SSBP2: variants seen among roughly 807,000 people sequenced by gnomAD.
The protein encoded by SSBP2 is single-stranded DNA-binding protein 2.
SSBP2 carries 17 observed loss-of-function variants against 61.8 expected under a neutral mutation model. The ratio of observed to expected loss-of-function variants is 0.28; its 90% CI spans 0.19 to 0.41. SSBP2 has a LOEUF of 0.41. Ranked by LOEUF, SSBP2 falls within the 10% of genes least tolerant of loss-of-function variation. SSBP2 has a pLI of 1.00. For synonymous variants in SSBP2, 139 were observed against 141.3 expected (o/e 0.98, Z 0.12); for missense variants, 310 against 458.7 (o/e 0.68, Z 2.96).
intron 1 of SSBP2, among the ~76,000 whole-genome samples, chr5:81,731,482 G>A (rs994711188): frequency 2.4e-4 from 37 of 152,082 alleles, no homozygotes; most frequent in East Asian, 9.7e-4. Context: ...ATTTCCTGGC[G>A]GCCTTAATAA....
chr5:81,449,257 G>T (rs1763608452), intron 10 of SSBP2, among the ~76,000 whole-genome samples: 1 of 152,124 alleles, frequency 6.6e-6, no homozygotes, highest in Admixed American at 6.5e-5. Flanking sequence ...AATTTGTGAG[G>T]ATCAGATATG....
intron 3 of SSBP2, among the ~76,000 whole-genome samples, chr5:81,625,781 A>C (rs1407791441): frequency 2.6e-5 from 4 of 152,202 alleles, no homozygotes; most frequent in African/African-American, 7.2e-5. Flanking sequence ...GTTGTCAGAG[A>C]AGTCTACAAG....
intron 10 of SSBP2, among the ~76,000 whole-genome samples, chr5:81,453,493 G>T (rs1032517909): frequency 7.5e-6 from 1 of 132,552 alleles, no homozygotes; most frequent in Non-Finnish European, 1.5e-5. Context: ...GAGTCTTGCC[G>T]TCGCCCAGGC....
intron 1 of SSBP2, among the ~76,000 whole-genome samples, chr5:81,740,014 T>C (rs1242584789): frequency 2.0e-5 from 3 of 152,182 alleles, no homozygotes; most frequent in Non-Finnish European, 2.9e-5. Flanking sequence ...CAGAAAAGCA[T>C]CAACAACCTT....
intron 1 of SSBP2, 183 bp downstream of exon 1, chr5:81,750,798 C>T: frequency 2.9e-6 from 2 of 678,592 alleles, no homozygotes; most frequent in Non-Finnish European, 2.4e-6. Flanking sequence ...GCCCAGCGCC[C>T]GCACCTCCCG....
rs938398439 is a variant in SSBP2 at position 81,463,758 on chromosome 5, CTTTTTTTT to C, written c.639-2663_639-2656del. On this transcript the variant is annotated intron_variant, in intron 9 of 16. Coordinates refer to ENST00000320672, the MANE Select transcript of SSBP2 (RefSeq NM_012446.5). ...CACTATTACCAAAGAGAAAAATCCT[CTTTTTTTT>C]TTTTTTTTTTTTTTTGGTTTGGGAC... is the stretch of plus-strand genomic sequence containing the variant. 4.6e-3 allele frequency among the ~76,000 whole-genome samples: 442 copies of C among 96,314 alleles called. 3 individuals are homozygous for C. The highest frequency in any genetic ancestry group is 6.8e-3 in the Middle Eastern group (1 of 146). 63.2% of individuals were successfully genotyped at this position (96,314 alleles called of 152,430 possible).
chr5:81,594,690 A>G (rs1738285532), intron 4 of SSBP2, among the ~76,000 whole-genome samples: 2 of 152,206 alleles, frequency 1.3e-5, no homozygotes, highest in Admixed American at 6.5e-5. Flanking sequence ...TAAGAAACTC[A>G]CTCAAAACCG....
chr5:81,433,059 G>C (rs1762433779), intron 15 of SSBP2, among the ~76,000 whole-genome samples: 1 of 151,962 alleles, frequency 6.6e-6, no homozygotes, highest in Non-Finnish European at 1.5e-5. Flanking sequence ...CGCCCCTACT[G>C]GGAAGTGAGG....
At chr5:81,662,545 T>A (rs1002013310) in intron 1 of SSBP2, among the ~76,000 whole-genome samples, 2 of 152,020 alleles carry the variant, frequency 1.3e-5, no homozygotes, top group East Asian at 3.9e-4. Flanking sequence ...GGCTCACACC[T>A]GTAATCCCAA....
At chr5:81,530,384 AAC>A in intron 4 of SSBP2, among the ~76,000 whole-genome samples, 1 of 152,232 alleles carries the variant, frequency 6.6e-6, no homozygotes, top group Admixed American at 6.5e-5. Context: ...ATACAACTGA[AAC>A]ACAGATGAAA....
chr5:81,647,505 A>G (rs1223524478), intron 2 of SSBP2, among the ~76,000 whole-genome samples: 1 of 152,004 alleles, frequency 6.6e-6, no homozygotes, highest in Admixed American at 6.6e-5. Flanking sequence ...CCATTCCCCT[A>G]CATTGGTTAT....
At chr5:81,515,680 T>C (rs770282766) in intron 4 of SSBP2, among the ~76,000 whole-genome samples, 1 of 144,284 alleles carries the variant, frequency 6.9e-6, no homozygotes, top group Non-Finnish European at 1.6e-5. Context: ...GACTAATTGC[T>C]TATTTTTTTT....
rs147271271 is a variant in SSBP2, at chr5:81,415,250, G to A, written c.*5254C>T. On this transcript the variant is annotated 3_prime_UTR_variant, in exon 17 of 17. Transcript: ENST00000320672. ...TATACATTCACTGGCCACTTGTATCGATTAATGTTTTCAAAGACAGAGAAC... is the reference window on the plus strand; with the variant it reads ...TATACATTCACTGGCCACTTGTATCAATTAATGTTTTCAAAGACAGAGAAC... 19 of 152,270 alleles carry A rather than the reference G, an allele frequency of 1.2e-4. No homozygotes were observed. The highest frequency in any genetic ancestry group is 4.3e-4 in the African/African-American group (18 of 41,558). 9.4% of individuals were successfully genotyped at this position (152,270 alleles called of 1,614,324 possible).
intron 4 of SSBP2, among the ~76,000 whole-genome samples, chr5:81,603,306 G>C (rs1744560346): frequency 6.6e-6 from 1 of 152,182 alleles, no homozygotes; most frequent in Non-Finnish European, 1.5e-5. Flanking sequence ...GGCTTAAACT[G>C]TTTATTTGGG....
chr5:81,489,208 C>T (rs1384009826), intron 6 of SSBP2, 42 bp downstream of exon 6: 28 of 1,490,646 alleles, frequency 1.9e-5, no homozygotes, highest in Non-Finnish European at 2.4e-5. Flanking sequence ...TTTTCAAGAT[C>T]TTTGATTCTT....
At chr5:81,440,184 T>C (rs185422766) in intron 14 of SSBP2, among the ~76,000 whole-genome samples, 1 of 150,970 alleles carries the variant, frequency 6.6e-6, no homozygotes, top group African/African-American at 2.5e-5. Context: ...CACAGAACTC[T>C]AGAGACAAAA....
chr5:81,526,284 T>C (rs1303130371), intron 4 of SSBP2, among the ~76,000 whole-genome samples: 2 of 152,058 alleles, frequency 1.3e-5, no homozygotes, highest in African/African-American at 4.8e-5. Flanking sequence ...ATATAACATA[T>C]TTCAAAAACT....
chr5:81,653,101 C>A (rs143646525), intron 1 of SSBP2, among the ~76,000 whole-genome samples: 3 of 152,074 alleles, frequency 2.0e-5, no homozygotes, highest in Non-Finnish European at 4.4e-5. Context: ...TCCCTTACCC[C>A]CTCACCCACC....
At chr5:81,577,707 T>C (rs1774318232) in intron 4 of SSBP2, among the ~76,000 whole-genome samples, 1 of 151,892 alleles carries the variant, frequency 6.6e-6, no homozygotes, top group Admixed American at 6.6e-5. Context: ...AATTATAATT[T>C]CCACATAACT....
Sources: allele counts gnomAD v4.1 joint callset (sites outside exome capture counted in the v4.1 genomes callset), GRCh38; gene constraint gnomAD v4.1.1; transcripts MANE v1.5; gene names NCBI Gene and HGNC (gene_info 2026-07-23, HGNC 2026-07-21).